NR3C2: variants seen among roughly 807,000 people sequenced by gnomAD.
NR3C2 encodes mineralocorticoid receptor.
A neutral mutation model predicts 86.4 loss-of-function variants in NR3C2; 15 were observed. The observed-to-expected ratio is 0.17, with a 90% CI of 0.12 to 0.27. The LOEUF is 0.27. Among genes scored for constraint, NR3C2 ranks in the 10% least tolerant of loss-of-function variants. The pLI is 1.00. For synonymous variants in NR3C2, 458 were observed against 450.5 expected, an observed-to-expected ratio of 1.02 and a Z score of -0.21; for missense variants, 960 against 1,195.6, an observed-to-expected ratio of 0.80 and a Z score of 2.91.
At chr4:148,174,161 G>A (rs1487739898) in intron 4 of NR3C2, among the ~76,000 whole-genome samples, 1 of 152,206 alleles carries the variant, frequency 6.6e-6, no homozygotes, top group Admixed American at 6.5e-5. Context: ...ATGAAAGCCT[G>A]CCTGGGAATG....
intron 3 of NR3C2, among the ~76,000 whole-genome samples, chr4:148,244,161 G>T (rs68001401): frequency 6.6e-6 from 1 of 151,974 alleles, no homozygotes; most frequent in Admixed American, 6.6e-5. Flanking sequence ...TGTTTAAAAC[G>T]CCAGTAACAC....
intron 2 of NR3C2, among the ~76,000 whole-genome samples, chr4:148,373,556 C>T (rs1746524637): frequency 6.7e-6 from 1 of 150,268 alleles, no homozygotes; most frequent in African/African-American, 2.5e-5. Flanking sequence ...GTCACTGCAA[C>T]CTCTGCCTCC....
At chr4:148,271,733 C>A (rs187430331) in intron 2 of NR3C2, among the ~76,000 whole-genome samples, 236 of 152,066 alleles carry the variant, frequency 1.6e-3, no homozygotes, top group Middle Eastern at 6.8e-3. Flanking sequence ...CTATTAGAGC[C>A]GTGGGTATAC....
chr4:148,201,799 C>T (rs1471302131), intron 3 of NR3C2, among the ~76,000 whole-genome samples: 1 of 152,180 alleles, frequency 6.6e-6, no homozygotes, highest in African/African-American at 2.4e-5. Flanking sequence ...CATATACCCC[C>T]TTCAACTCCC....
intron 3 of NR3C2, among the ~76,000 whole-genome samples, chr4:148,205,719 T>C (rs1018948822): frequency 2.6e-5 from 4 of 152,098 alleles, no homozygotes; most frequent in African/African-American, 9.7e-5. Flanking sequence ...GAACGGCACA[T>C]GAATAAGTGC....
At chr4:148,195,620 TGAAGG>T (rs1235159529) in intron 3 of NR3C2, among the ~76,000 whole-genome samples, 3 of 151,720 alleles carry the variant, frequency 2.0e-5, no homozygotes, top group African/African-American at 7.3e-5. Context: ...GGGAGAAAAA[TGAAGG>T]GAACATGGAA....
At chr4:148,188,702 T>C (rs1414535674) in intron 4 of NR3C2, among the ~76,000 whole-genome samples, 1 of 152,136 alleles carries the variant, frequency 6.6e-6, no homozygotes, top group Non-Finnish European at 1.5e-5. Context: ...ACTTCCTCTT[T>C]ACTAATTTGG....
At chr4:148,401,247 C>T (rs1040831216) in intron 2 of NR3C2, among the ~76,000 whole-genome samples, 2 of 152,146 alleles carry the variant, frequency 1.3e-5, no homozygotes, top group African/African-American at 4.8e-5. Flanking sequence ...TCACATGGTG[C>T]TTACCATCTG....
chr4:148,366,625 T>TA (rs1011642704), intron 2 of NR3C2, among the ~76,000 whole-genome samples: 3 of 152,092 alleles, frequency 2.0e-5, no homozygotes, highest in Non-Finnish European at 2.9e-5. Flanking sequence ...AACATGTCTC[T>TA]ATTCTCTCAT....
chr4:148,410,113 T>G (rs543250556), intron 2 of NR3C2, among the ~76,000 whole-genome samples: 2 of 152,318 alleles, frequency 1.3e-5, no homozygotes, highest in South Asian at 4.1e-4. Context: ...TTTTTCAATG[T>G]TTGAATTGTT....
chr4:148,279,695 A>G (rs1235272272), intron 2 of NR3C2, among the ~76,000 whole-genome samples: 1 of 152,184 alleles, frequency 6.6e-6, no homozygotes, highest in African/African-American at 2.4e-5. Context: ...CATTGCATAC[A>G]TTCTGTACTA....
chr4:148,279,629 G>T (rs1270840786), intron 2 of NR3C2, among the ~76,000 whole-genome samples: 1 of 152,118 alleles, frequency 6.6e-6, no homozygotes, highest in Non-Finnish European at 1.5e-5. Context: ...AACATAAAAT[G>T]CACTTATTAT....
At chr4:148,348,242 C>G (rs1745098277) in intron 2 of NR3C2, among the ~76,000 whole-genome samples, 1 of 152,092 alleles carries the variant, frequency 6.6e-6, no homozygotes, top group South Asian at 2.1e-4. Flanking sequence ...TTACATTCCC[C>G]CACCAGCCCT....
intron 2 of NR3C2, among the ~76,000 whole-genome samples, chr4:148,324,710 CAT>C (rs1331578212): frequency 1.3e-5 from 2 of 152,182 alleles, no homozygotes; most frequent in Non-Finnish European, 2.9e-5. Flanking sequence ...CTGATTACCA[CAT>C]GAGGTGATGG....
At chr4:148,253,670 G>T (rs1739684572) in intron 3 of NR3C2, among the ~76,000 whole-genome samples, 2 of 152,068 alleles carry the variant, frequency 1.3e-5, no homozygotes, top group African/African-American at 2.4e-5. Flanking sequence ...TGTCCCATAG[G>T]TACTTCAAAC....
rs547480259 is a variant in NR3C2, at chr4:148,251,825, A to G, written c.1897+8153T>C. Among the ~76,000 whole-genome samples, 4 of 152,286 alleles carry G rather than the reference A, an allele frequency of 2.6e-5. No homozygotes were observed. In the East Asian group the frequency reaches 7.7e-4, roughly 29 times the overall value. On this transcript the variant is annotated intron_variant, in intron 3 of 8. Coordinates refer to ENST00000358102, the MANE Select transcript of NR3C2 (RefSeq NM_000901.5). ...AATTCAAATTAAGGTTTCAACTTGG[A>G]ATGGGTAAGAGTTAATTATTTAGAG...
Position 148,257,783 on chromosome 4 carries a change from C to G in NR3C2, c.1897+2195G>C, listed in dbSNP as rs193235156. On this transcript the variant is annotated intron_variant, in intron 3 of 8. Transcript: ENST00000358102. Reference sequence around the variant, plus strand: ...ACAAAAACAAATAGGTCTTTACTCTCATGAATTTTAGATTTTAAATTAACA... The same window carrying G: ...ACAAAAACAAATAGGTCTTTACTCTGATGAATTTTAGATTTTAAATTAACA... 1.7e-3 allele frequency among the ~76,000 whole-genome samples: 260 copies of G among 152,104 alleles called. 4 individuals are homozygous for G. The highest frequency in any genetic ancestry group is 3.3e-3 in the Admixed American group (50 of 15,266).
At chr4:148,185,191 A>G (rs1735836484) in intron 4 of NR3C2, among the ~76,000 whole-genome samples, 1 of 152,384 alleles carries the variant, frequency 6.6e-6, no homozygotes, top group African/African-American at 2.4e-5. Context: ...AATGTGAGGA[A>G]AAAGAAACTG....
intron 2 of NR3C2, among the ~76,000 whole-genome samples, chr4:148,340,580 G>C (rs547774204): frequency 9.0e-4 from 137 of 152,110 alleles, no homozygotes; most frequent in Non-Finnish European, 1.8e-3. Flanking sequence ...CCTAGACAAA[G>C]ATTTGTTGGG....
Sources: allele counts gnomAD v4.1 joint callset (sites outside exome capture counted in the v4.1 genomes callset), GRCh38; gene constraint gnomAD v4.1.1; transcripts MANE v1.5; gene names NCBI Gene and HGNC (gene_info 2026-07-23, HGNC 2026-07-21).